Variants in PTPN4 observed in about 807,000 individuals in gnomAD.
PTPN4 encodes the protein tyrosine-protein phosphatase non-receptor type 4.
In PTPN4, 49 loss-of-function variants were observed where a neutral mutation model predicts 135.5. The ratio of observed to expected loss-of-function variants is 0.36; its 90% CI spans 0.29 to 0.46. The LOEUF (loss-of-function observed/expected upper bound fraction) is 0.46, where lower values mean the gene tolerates loss of function less well. PTPN4 is among the 20% of genes least tolerant of loss of function. The probability of loss-of-function intolerance (pLI) is 1.00; values close to 1 mark genes in which losing one functional copy is unlikely to be tolerated. For synonymous variants in PTPN4, 333 were observed against 369.9 expected (o/e 0.90, Z 1.14); for missense variants, 860 against 1,101.0 (o/e 0.78, Z 3.10).
intron 9 of PTPN4, among the ~76,000 whole-genome samples, chr2:119,891,347 G>C (rs575373446): frequency 6.6e-6 from 1 of 152,228 alleles, no homozygotes; most frequent in East Asian, 1.9e-4. Context: ...TTTTGAGACG[G>C]AGTCTTGCTC....
chr2:119,957,027 C>A lies in PTPN4; in HGVS notation c.2083C>A (p.Arg695=). Residue 695 remains arginine, a synonymous_variant, in exon 22 of 27, where the codon CGG becomes AGG. Transcript: ENST00000263708. The part of the protein sequence containing the change: ...YRDISPYDAT[R]VILKGNEDYI... Reference sequence around the variant, plus strand: ...TTAAATTTTTTTAGATGATGCCACACGGGTCATTTTAAAAGGTAATGAAGA... The same window carrying A: ...TTAAATTTTTTTAGATGATGCCACAAGGGTCATTTTAAAAGGTAATGAAGA... 6.2e-7 allele frequency: 1 copy of A among 1,610,354 alleles called. No individual in the cohort carries two copies. Among genetic ancestry groups the A allele is most frequent in the Non-Finnish European group, 8.5e-7 (1 of 1,178,482 alleles).
At chr2:119,924,168 G>C (rs372962458) in intron 12 of PTPN4, among the ~76,000 whole-genome samples, 18 of 150,102 alleles carry the variant, frequency 1.2e-4, no homozygotes, top group African/African-American at 4.4e-4. Context: ...CAAGGGACTA[G>C]TGGGAGGAAG....
chr2:119,955,308 C>T lies in PTPN4; in HGVS notation c.1965C>T (p.Val655=), dbSNP rs765337271. ...QLAEGLITGT[V]LTQFDQLYRK... is the part of the protein sequence containing the mutation. ...CTGAGGGGCTTATCACTGGAACAGT[C>T]CTGACACAGTTTGATGTAAGTAATA... The change falls in exon 20 of 27, where the codon GTC becomes GTT. Residue 655 remains valine, a synonymous_variant. Coordinates refer to ENST00000263708, the MANE Select transcript of PTPN4 (RefSeq NM_002830.4). 6.3e-7 allele frequency: 1 copy of T among 1,590,872 alleles called. No individual in the cohort carries two copies.
At chr2:119,903,062 A>C (rs939787318) in intron 10 of PTPN4, among the ~76,000 whole-genome samples, 3 of 152,172 alleles carry the variant, frequency 2.0e-5, no homozygotes. Context: ...AACTGCACCC[A>C]GGATACAGCT....
At chr2:119,972,732 T>G (rs1679555167) in intron 26 of PTPN4, among the ~76,000 whole-genome samples, 3 of 152,132 alleles carry the variant, frequency 2.0e-5, no homozygotes, top group Admixed American at 2.0e-4. Flanking sequence ...AAGATCCCTT[T>G]GTTACTTGTT....
Position 119,984,769 on chromosome 2 carries a change from G to T in PTPN4, c.*7699G>T, listed in dbSNP as rs924012906. Among the ~76,000 whole-genome samples the T allele has an allele frequency of 1.3e-4, 20 of 152,196 alleles. No individual in the cohort carries two copies. Among genetic ancestry groups the T allele is most frequent in the African/African-American group, 4.8e-4 (20 of 41,450 alleles). On this transcript the variant is annotated 3_prime_UTR_variant, in exon 27 of 27. Coordinates refer to ENST00000263708, the MANE Select transcript of PTPN4 (RefSeq NM_002830.4). ...AAGAGCAATTTATATTATGTGAAAT[G>T]CTGTTACACATATTTTGTTGGCCAT...
At chr2:119,949,775 C>T (rs1045929150) in intron 18 of PTPN4, among the ~76,000 whole-genome samples, 2 of 152,052 alleles carry the variant, frequency 1.3e-5, no homozygotes, top group South Asian at 2.1e-4. Context: ...CCCAGGAGAT[C>T]GAGGCTGTAG....
chr2:119,802,695 G>GT (rs771386301), intron 1 of PTPN4, among the ~76,000 whole-genome samples: 34 of 152,156 alleles, frequency 2.2e-4, no homozygotes, highest in Non-Finnish European at 4.1e-4. Flanking sequence ...GTTTTTGTCT[G>GT]TTTTTTCCAT....
intron 1 of PTPN4, chr2:119,791,117 A>G (rs941804792): frequency 1.4e-5 from 2 of 147,734 alleles, no homozygotes; most frequent in Admixed American, 1.4e-4. Context: ...ACATTTAGCT[A>G]TCTAATTACT....
intron 20 of PTPN4, among the ~76,000 whole-genome samples, chr2:119,955,870 G>A (rs183468524): frequency 0.014 from 2,071 of 152,166 alleles, 23 homozygotes; most frequent in Non-Finnish European, 0.019. Flanking sequence ...CTGGGAGGCA[G>A]AGCTTGCAGT....
chr2:119,952,014 T>G lies in PTPN4; in HGVS notation c.1698T>G (p.Val566=). 1 of 1,613,330 alleles carries G rather than the reference T, an allele frequency of 6.2e-7. No individual in the cohort carries two copies. Among genetic ancestry groups the G allele is most frequent in the Non-Finnish European group, 8.5e-7 (1 of 1,179,390 alleles). The change falls in exon 19 of 27, where the codon GTT becomes GTG. Residue 566 remains valine (V), a synonymous_variant. Coordinates refer to ENST00000263708, the MANE Select transcript of PTPN4 (RefSeq NM_002830.4). ...CTAGACTGAATGAAGGGGACCAAGT[T>G]GTACTGATCAATGGTCGGGACATTG... The part of the protein sequence containing the change: ...CVPRLNEGDQ[V]VLINGRDIAE...
chr2:119,952,380 C>G (rs1013171383), intron 19 of PTPN4, among the ~76,000 whole-genome samples: 1 of 151,996 alleles, frequency 6.6e-6, no homozygotes, highest in Non-Finnish European at 1.5e-5. Context: ...CCAATCTAAT[C>G]GACTTATTAG....
rs780851265 is a variant in PTPN4 at position 119,957,088 on chromosome 2, T to G, written c.2133+11T>G. ...GCGAACTATATAAATGTAAGTTTAT[T>G]CTTATTATGCCTTTGCCATTTGGAA... On this transcript the variant is annotated intron_variant, in intron 22 of 26. Transcript: ENST00000263708. 6.3e-7 allele frequency: 1 copy of G among 1,597,720 alleles called. No homozygotes were observed.
intron 11 of PTPN4, among the ~76,000 whole-genome samples, chr2:119,916,937 T>C (rs1028785238): frequency 6.6e-6 from 1 of 152,226 alleles, no homozygotes; most frequent in African/African-American, 2.4e-5. Flanking sequence ...ATTTCCAGGT[T>C]GGGGATATTA....
intron 15 of PTPN4, among the ~76,000 whole-genome samples, chr2:119,939,302 G>C (rs1679029015): frequency 6.6e-6 from 1 of 152,060 alleles, no homozygotes; most frequent in South Asian, 2.1e-4. Flanking sequence ...GTGGCTTTTT[G>C]TTTGTTTGTT....
chr2:119,884,799 G>A (rs1678131271), intron 8 of PTPN4, among the ~76,000 whole-genome samples: 1 of 152,140 alleles, frequency 6.6e-6, no homozygotes, highest in Non-Finnish European at 1.5e-5. Flanking sequence ...AATTGGAAGT[G>A]TACTGTTTTT....
At chr2:119,811,584 AGACAGTTGAT>A (rs1426585132) in intron 2 of PTPN4, among the ~76,000 whole-genome samples, 1 of 152,208 alleles carries the variant, frequency 6.6e-6, no homozygotes, top group Non-Finnish European at 1.5e-5. Flanking sequence ...CTCATGTATT[AGACAGTTGAT>A]GTAAGAAAAT....
rs1452629187 is a variant in PTPN4, at chr2:119,924,131, C to T, written c.1002-2467C>T. 1.8e-3 allele frequency among the ~76,000 whole-genome samples: 223 copies of T among 122,232 alleles called. 2 individuals carry two copies. Among genetic ancestry groups the T allele is most frequent in the African/African-American group, 6.9e-3 (207 of 29,870 alleles). The allele number at this position is 122,232 out of a possible 152,430, so 80.2% of individuals were successfully genotyped here. A position where few individuals can be genotyped will look rare whatever the true frequency, so the allele number is the denominator to read the frequency against. ...CAGCCTGGGCGACAGAGTGAGACTC[C>T]GTCTCAAAAAAAAAAAAAAAAAAAA... On this transcript the variant is annotated intron_variant, in intron 12 of 26. Coordinates refer to ENST00000263708, the MANE Select transcript of PTPN4 (RefSeq NM_002830.4).
At chr2:119,785,192 C>T (rs759553297) in intron 1 of PTPN4, among the ~76,000 whole-genome samples, 4 of 152,122 alleles carry the variant, frequency 2.6e-5, no homozygotes, top group Non-Finnish European at 4.4e-5. Context: ...CCAAGTGTTC[C>T]GTGGAGGACA....
Sources: allele counts gnomAD v4.1 joint callset (sites outside exome capture counted in the v4.1 genomes callset), GRCh38; gene constraint gnomAD v4.1.1; transcripts MANE v1.5; gene names NCBI Gene and HGNC (gene_info 2026-07-23, HGNC 2026-07-21).